Variants in SGSM2 observed in about 807,000 individuals in gnomAD.
SGSM2 encodes RUN and TBC1 domain containing 1.
In SGSM2, 89 loss-of-function variants were observed where a neutral mutation model predicts 126.6. The observed-to-expected ratio is 0.70, with a 90% confidence interval of 0.59 to 0.84. SGSM2 has a LOEUF of 0.84. SGSM2 is among the 40% of genes least tolerant of loss of function. The pLI is 0.00. For synonymous variants in SGSM2, 614 were observed against 574.3 expected, an observed-to-expected ratio of 1.07 and a Z score of -0.99; for missense variants, 1,404 against 1,416.6, an observed-to-expected ratio of 0.99 and a Z score of 0.14.
chr17:2,376,433 C>T, intron 19 of SGSM2, 172 bp downstream of exon 19: 1 of 766,952 alleles, frequency 1.3e-6, no homozygotes, highest in Non-Finnish European at 2.1e-6. Context: ...CCTCTTCATT[C>T]TTAGGGGCCT....
intron 2 of SGSM2, among the ~76,000 whole-genome samples, chr17:2,352,432 A>G (rs924177201): frequency 6.6e-6 from 1 of 152,224 alleles, no homozygotes; most frequent in African/African-American, 2.4e-5. Flanking sequence ...AGCTGGTAGC[A>G]AAAGGTGAAA....
Position 2,375,549 on chromosome 17 carries a change from A to G in SGSM2, c.2158A>G (p.Arg720Gly). The G allele has an allele frequency of 6.2e-7, 1 of 1,613,854 alleles. No homozygotes were observed. Among genetic ancestry groups the G allele is most frequent in the Non-Finnish European group, 8.5e-7 (1 of 1,180,004 alleles). The change falls in exon 18 of 24, where the codon AGA becomes GGA. Residue 720 changes from arginine to glycine, a missense_variant. By Grantham distance (125) the Arg-to-Gly change is moderately radical. Transcript: ENST00000268989. ...PPEPQDPEDSRPKPEQEAGPG... is the reference protein window; with the variant it reads ...PPEPQDPEDSGPKPEQEAGPG... ...GGAGCCCCAGGACCCTGAAGATTCC[A>G]GACCAAAACCTGAGCAGGAAGCAGG...
intron 9 of SGSM2, 95 bp downstream of exon 9, chr17:2,364,758 C>A: frequency 1.9e-6 from 3 of 1,559,810 alleles, no homozygotes; most frequent in Non-Finnish European, 8.8e-7. Flanking sequence ...TCCTCGTCCT[C>A]CTCCCATCCT....
chr17:2,379,353 CAG>C lies in SGSM2; in HGVS notation c.3068-76_3068-75del, dbSNP rs764308296. The C allele has an allele frequency of 4.5e-6, 7 of 1,567,726 alleles. No homozygotes were observed. The South Asian group carries it at 5.7e-5, about 13-fold the overall frequency. On this transcript the variant is annotated intron_variant, in intron 23 of 23. Transcript: ENST00000268989. ...AAGAATCTAGCAGAGCAGATGGAAA[CAG>C]AGCAGGGTAGTCAGCCACCTCCTAG...
Position 2,373,055 on chromosome 17 carries a change from G to A in SGSM2, c.1891G>A (p.Gly631Ser), listed in dbSNP as rs201449321. 84 of 1,610,378 alleles carry A rather than the reference G, an allele frequency of 5.2e-5. No individual in the cohort carries two copies. The African/African-American group carries it at 5.9e-4, about 11-fold the overall frequency. The change falls in exon 16 of 24, where the codon GGC (glycine) becomes AGC (serine). Residue 631 changes from glycine (G) to serine (S), a missense_variant. Coordinates refer to ENST00000268989, the MANE Select transcript of SGSM2 (RefSeq NM_014853.3). ...CTTTCTGCTTGGCCACTACAAGTTC[G>A]GCATGAGCAAGAAGGAGATGGAGCA... Reference protein sequence around the residue: ...WPFLLGHYKFGMSKKEMEQVD... With the variant: ...WPFLLGHYKFSMSKKEMEQVD...
In SGSM2 at chr17:2,367,196, C is replaced by G; in HGVS notation, c.1289-75C>G. On this transcript the variant is annotated intron_variant, in intron 11 of 23. Coordinates refer to ENST00000268989, the MANE Select transcript of SGSM2 (RefSeq NM_014853.3). The surrounding 1 kb of genome is among the most constrained non-coding windows in gnomAD (Gnocchi z 4.0). ...GATGACCCCGGCCTCCATTCCACTC[C>G]CCTTAAGGAGGGAGTCCGTCCTGCC... 1 of 1,502,720 alleles carries G rather than the reference C, an allele frequency of 6.7e-7. No homozygotes were observed. Among genetic ancestry groups the G allele is most frequent in the Non-Finnish European group, 8.9e-7 (1 of 1,118,064 alleles). 93.1% of individuals were successfully genotyped at this position (1,502,720 alleles called of 1,614,324 possible). A position where few individuals can be genotyped will look rare whatever the true frequency, so the allele number is the denominator to read the frequency against.
chr17:2,367,330 G>GA lies in SGSM2; in HGVS notation c.1350dup (p.Glu451ArgfsTer4). 1 of 1,614,160 alleles carries GA rather than the reference G, an allele frequency of 6.2e-7. No individual in the cohort carries two copies. The highest frequency in any genetic ancestry group is 8.5e-7 in the Non-Finnish European group (1 of 1,180,010). On this transcript the variant is annotated frameshift_variant, in exon 12 of 24. Transcript: ENST00000268989. LOFTEE classifies it high-confidence loss of function. The surrounding 1 kb of genome is among the most constrained non-coding windows in gnomAD (Gnocchi z 4.0). ...CGCGGCCTCGGTGGACGATGATGAGGAAGAGGAGGATAAACTGCACGCGAT... is the reference window on the plus strand; with the variant it reads ...CGCGGCCTCGGTGGACGATGATGAGGAAAGAGGAGGATAAACTGCACGCGAT...
At position 2,379,022 on chromosome 17, in the gene SGSM2, C is replaced by A. The variant is rs373644264; in HGVS notation, c.2900-14C>A. The A allele has an allele frequency of 3.1e-6, 5 of 1,610,606 alleles. No individual in the cohort carries two copies. The African/African-American group carries it at 4.0e-5, about 13-fold the overall frequency. On this transcript the variant is annotated splice_polypyrimidine_tract_variant and intron_variant, in intron 22 of 23. Transcript: ENST00000268989. ...GGCTAGGACGGGTGAGCAGCAGCCG[C>A]TTACTCTCCGCAGAACTGCTGTATG...
Position 2,364,653 on chromosome 17 carries a change from C to T in SGSM2, c.990C>T (p.Cys330=). Residue 330 remains cysteine (C), a synonymous_variant, in exon 9 of 24, where the codon TGC becomes TGT. Coordinates refer to ENST00000268989, the MANE Select transcript of SGSM2 (RefSeq NM_014853.3). ...VPFSQVVCIH[C]HQQKSGGTLV... is the part of the protein sequence containing the mutation. ...TCAGCCAGGTCGTGTGCATCCACTG[C>T]CACCAGCAAAGTAAGCCTGCCTTGT... is the stretch of plus-strand genomic sequence containing the variant. The T allele has an allele frequency of 6.2e-7, 1 of 1,614,194 alleles. No individual in the cohort carries two copies. The highest frequency in any genetic ancestry group is 1.3e-5 in the African/African-American group (1 of 75,054).
intron 1 of SGSM2, among the ~76,000 whole-genome samples, chr17:2,343,007 A>T (rs887511228): frequency 1.4e-4 from 21 of 152,150 alleles, no homozygotes; most frequent in African/African-American, 5.1e-4. Context: ...CTTACAAGGT[A>T]TTTGGGAACT....
intron 1 of SGSM2, among the ~76,000 whole-genome samples, chr17:2,341,001 C>T (rs775331715): frequency 6.6e-6 from 1 of 152,208 alleles, no homozygotes; most frequent in Non-Finnish European, 1.5e-5. Context: ...GGGGTATCTG[C>T]AGATCCTTCA....
Position 2,380,232 on chromosome 17 carries a change from C to T in SGSM2, c.*712C>T, listed in dbSNP as rs2151653801. 3 of 1,535,928 alleles carry T rather than the reference C, an allele frequency of 2.0e-6. No individual in the cohort carries two copies. The highest frequency in any genetic ancestry group is 2.4e-5 in the East Asian group (1 of 40,900). On this transcript the variant is annotated 3_prime_UTR_variant, in exon 24 of 24. Transcript: ENST00000268989. ...ACCTCTGTGTATCTGTACAGCCTCG[C>T]TCCTGCCACCCCACCCTTGCGTTCT...
intron 2 of SGSM2, among the ~76,000 whole-genome samples, chr17:2,351,984 G>C (rs1417449365): frequency 6.6e-6 from 1 of 152,178 alleles, no homozygotes; most frequent in African/African-American, 2.4e-5. Context: ...CTGAGTAAAG[G>C]CAGCCACTAC....
intron 2 of SGSM2, among the ~76,000 whole-genome samples, chr17:2,345,834 A>C (rs1203675471): frequency 6.6e-6 from 1 of 152,124 alleles, no homozygotes; most frequent in African/African-American, 2.4e-5. Context: ...GCTTTGTCAA[A>C]ATTGGTGCTC....
chr17:2,372,726 CTCT>C lies in SGSM2; in HGVS notation c.1789-226_1789-224del. 1.2e-6 allele frequency: 1 copy of C among 804,880 alleles called. No individual in the cohort carries two copies. The highest frequency in any genetic ancestry group is 1.9e-6 in the Non-Finnish European group (1 of 515,684). The allele number at this position is 804,880 out of a possible 1,614,324, so 49.9% of individuals were successfully genotyped here. A position where few individuals can be genotyped will look rare whatever the true frequency, so the allele number is the denominator to read the frequency against. On this transcript the variant is annotated intron_variant, in intron 15 of 23. Transcript: ENST00000268989. The surrounding 1 kb of genome is among the most constrained non-coding windows in gnomAD (Gnocchi z 6.0). Reference sequence around the variant, plus strand: ...TGTGACCCTGGACAAAGCTTTGCCTCTCTCCGGGCGCCATTTCCTGCCCCTTAA... The same window carrying C: ...TGTGACCCTGGACAAAGCTTTGCCTCCCGGGCGCCATTTCCTGCCCCTTAA...
chr17:2,377,324 A>C, intron 21 of SGSM2: 1 of 402,930 alleles, frequency 2.5e-6, no homozygotes, highest in Non-Finnish European at 4.5e-6. Context: ...TCTCTACTAA[A>C]AATACAAAAA....
rs993933855 is a variant in SGSM2, at chr17:2,351,510, A to G, written c.133+7890A>G. Among the ~76,000 whole-genome samples, 14 of 152,146 alleles carry G rather than the reference A, an allele frequency of 9.2e-5. 1 individual carries two copies. The highest frequency in any genetic ancestry group is 2.9e-5 in the Non-Finnish European group (2 of 68,010). On this transcript the variant is annotated intron_variant, in intron 2 of 23. Transcript: ENST00000268989. ...GTGTGCCCACATCAGTGTCCACTGC[A>G]TGAGAGGCTGGCCCTGGCCTGGTTC...
rs1200019271 is a variant in SGSM2, at chr17:2,363,608, GCTT to G, written c.807+11_807+13del. ...ACGTGCTGGTGCAGCCGGTAGGAAA[GCTT>G]CATCCTGCCATCCCTCCCCGAAGGT... On this transcript the variant is annotated intron_variant, in intron 7 of 23. Transcript: ENST00000268989. The surrounding 1 kb of genome is among the most constrained non-coding windows in gnomAD (Gnocchi z 4.2). 8 of 1,611,838 alleles carry G rather than the reference GCTT, an allele frequency of 5.0e-6. No individual in the cohort carries two copies. Among genetic ancestry groups the G allele is most frequent in the South Asian group, 1.1e-5 (1 of 91,010 alleles).
At chr17:2,378,973 T>A (rs1597402313) in intron 22 of SGSM2, 63 bp from the exon 23 acceptor site, 6 of 1,544,112 alleles carry the variant, frequency 3.9e-6, no homozygotes, top group Admixed American at 3.8e-5. Context: ...TCAGCCTCAA[T>A]CCCAGCCTCA....
Sources: allele counts gnomAD v4.1 joint callset (sites outside exome capture counted in the v4.1 genomes callset), GRCh38; gene constraint gnomAD v4.1.1; non-coding constraint Gnocchi (gnomAD v3.1); transcripts MANE v1.5; gene names NCBI Gene and HGNC (gene_info 2026-07-23, HGNC 2026-07-21).